CBLB: variants seen among roughly 807,000 people sequenced by gnomAD.
CBLB encodes the protein E3 ubiquitin-protein ligase CBL-B.
In CBLB, 31 loss-of-function variants were observed where a neutral mutation model predicts 104.9. The ratio of observed to expected loss-of-function variants is 0.30; its 90% CI spans 0.22 to 0.40. The LOEUF (loss-of-function observed/expected upper bound fraction) is 0.40, where lower values mean the gene tolerates loss of function less well. Ranked by LOEUF, CBLB falls within the 10% of genes least tolerant of loss-of-function variation. CBLB has a pLI of 1.00. For synonymous variants in CBLB, 440 were observed against 422.6 expected, an observed-to-expected ratio of 1.04 and a Z score of -0.51; for missense variants, 1,062 against 1,214.6, an observed-to-expected ratio of 0.87 and a Z score of 1.87.
intron 10 of CBLB, among the ~76,000 whole-genome samples, chr3:105,707,136 C>A (rs1170823765): frequency 2.6e-5 from 4 of 152,162 alleles, no homozygotes; most frequent in Non-Finnish European, 5.9e-5. Flanking sequence ...ATCCTCAGAA[C>A]AGACATCCAA....
chr3:105,676,200 A>G (rs1231947748), intron 17 of CBLB, among the ~76,000 whole-genome samples: 2 of 152,138 alleles, frequency 1.3e-5, no homozygotes, highest in Non-Finnish European at 2.9e-5. Context: ...GCAAATCTAT[A>G]AAATAAATAC....
At chr3:105,770,698 C>A (rs1307342402) in intron 4 of CBLB, among the ~76,000 whole-genome samples, 3 of 152,074 alleles carry the variant, frequency 2.0e-5, no homozygotes. Flanking sequence ...AGGGGCATGG[C>A]TTTTTGAAAG....
At chr3:105,785,358 T>A (rs114710412) in intron 3 of CBLB, among the ~76,000 whole-genome samples, 55 of 152,314 alleles carry the variant, frequency 3.6e-4, no homozygotes, top group African/African-American at 1.3e-3. Flanking sequence ...AACTCTGAAG[T>A]TTGACTTTCA....
At position 105,828,950 on chromosome 3, in the gene CBLB, G is replaced by C. The variant is rs2087000821; in HGVS notation, c.419+24464C>G. On this transcript the variant is annotated intron_variant, in intron 3 of 18. Transcript: ENST00000394030. Reference sequence around the variant, plus strand: ...ACATTTTAACCACAGTGGAACAGAAGCTTCTAGGGAACCTCTATACCACAT... The same window carrying C: ...ACATTTTAACCACAGTGGAACAGAACCTTCTAGGGAACCTCTATACCACAT... 2.0e-5 allele frequency among the ~76,000 whole-genome samples: 3 copies of C among 151,792 alleles called. No individual in the cohort carries two copies. In the South Asian group the frequency reaches 6.2e-4, roughly 31 times the overall value.
intron 3 of CBLB, among the ~76,000 whole-genome samples, chr3:105,798,557 C>T (rs2082491539): frequency 6.6e-6 from 1 of 152,146 alleles, no homozygotes; most frequent in African/African-American, 2.4e-5. Context: ...TCTGATCATA[C>T]AGACCACAAC....
intron 3 of CBLB, among the ~76,000 whole-genome samples, chr3:105,800,894 CAA>C (rs575573894): frequency 2.0e-5 from 3 of 152,012 alleles, no homozygotes; most frequent in African/African-American, 7.2e-5. Flanking sequence ...AACATGAAAA[CAA>C]ATTATGACAG....
chr3:105,693,413 G>A, intron 13 of CBLB, 81 bp downstream of exon 13: 1 of 789,466 alleles, frequency 1.3e-6, no homozygotes, highest in South Asian at 1.4e-5. Flanking sequence ...ATCATGTAGT[G>A]TCTGTACTGA....
rs373613210 is a variant in CBLB, at chr3:105,784,681, T to G, written c.420-8139A>C. On this transcript the variant is annotated intron_variant, in intron 3 of 18. Coordinates refer to ENST00000394030, the MANE Select transcript of CBLB (RefSeq NM_170662.5). The stretch of plus-strand genomic sequence containing the variant: ...GGCTCAAAAAGACATAATTGATCAG[T>G]TTTTTTTCCAAGTTCTACCCCAAAC... 1.2e-4 allele frequency among the ~76,000 whole-genome samples: 19 copies of G among 152,090 alleles called. No homozygotes were observed. In the East Asian group the frequency reaches 1.9e-3, roughly 15 times the overall value.
At chr3:105,663,559 G>A (rs1485483270) in intron 18 of CBLB, among the ~76,000 whole-genome samples, 1 of 152,106 alleles carries the variant, frequency 6.6e-6, no homozygotes, top group Non-Finnish European at 1.5e-5. Context: ...CTGCTTTTAT[G>A]AGAACAGTTT....
chr3:105,751,909 A>G (rs554980832), intron 4 of CBLB, among the ~76,000 whole-genome samples: 1 of 152,342 alleles, frequency 6.6e-6, no homozygotes, highest in South Asian at 2.1e-4. Context: ...ATTAGGTCAA[A>G]GTCTTATGTG....
At chr3:105,796,679 A>G (rs1379502782) in intron 3 of CBLB, among the ~76,000 whole-genome samples, 2 of 152,198 alleles carry the variant, frequency 1.3e-5, no homozygotes, top group Non-Finnish European at 2.9e-5. Context: ...ATATTTGCAA[A>G]CTACATATGT....
chr3:105,690,391 TG>T (rs1487218394), intron 13 of CBLB, among the ~76,000 whole-genome samples: 4 of 152,172 alleles, frequency 2.6e-5, no homozygotes, highest in African/African-American at 9.7e-5. Flanking sequence ...TTGTCAGGTT[TG>T]CCATCAGTAT....
At chr3:105,827,177 C>A (rs1218522011) in intron 3 of CBLB, among the ~76,000 whole-genome samples, 1 of 152,146 alleles carries the variant, frequency 6.6e-6, no homozygotes, top group African/African-American at 2.4e-5. Flanking sequence ...TGAAACATAA[C>A]TAAATAACTT....
At chr3:105,828,947 G>C (rs2086999946) in intron 3 of CBLB, among the ~76,000 whole-genome samples, 2 of 151,938 alleles carry the variant, frequency 1.3e-5, no homozygotes, top group African/African-American at 2.4e-5. Context: ...CAGTGGAACA[G>C]AAGCTTCTAG....
chr3:105,723,685 A>T (rs2073200149), intron 9 of CBLB, among the ~76,000 whole-genome samples: 1 of 152,108 alleles, frequency 6.6e-6, no homozygotes, highest in Non-Finnish European at 1.5e-5. Flanking sequence ...GAATATTGTT[A>T]GTACCATCTC....
At chr3:105,855,418 A>G (rs1254743737) in intron 2 of CBLB, among the ~76,000 whole-genome samples, 1 of 152,240 alleles carries the variant, frequency 6.6e-6, no homozygotes, top group Non-Finnish European at 1.5e-5. Flanking sequence ...GTCTTACCAC[A>G]GAAAGGTAAT....
chr3:105,778,179 G>C (rs896029275), intron 3 of CBLB, among the ~76,000 whole-genome samples: 3 of 151,774 alleles, frequency 2.0e-5, no homozygotes, highest in African/African-American at 7.3e-5. Flanking sequence ...AAGTGTGTTA[G>C]GACTCAATAA....
At chr3:105,665,660 ATAAC>A (rs1247065449) in intron 18 of CBLB, among the ~76,000 whole-genome samples, 2 of 148,058 alleles carry the variant, frequency 1.4e-5, no homozygotes, top group Admixed American at 6.8e-5. Flanking sequence ...ATTAAATAAA[ATAAC>A]ATGAATATTT....
At chr3:105,869,155 C>T, upstream of CBLB, 3 of 633,016 alleles carry the variant, frequency 4.7e-6, no homozygotes, top group Non-Finnish European at 7.1e-6. Context: ...GCCCGTCCTC[C>T]TCGCGCTGCC....
Sources: allele counts gnomAD v4.1 joint callset (sites outside exome capture counted in the v4.1 genomes callset), GRCh38; gene constraint gnomAD v4.1.1; transcripts MANE v1.5; gene names NCBI Gene and HGNC (gene_info 2026-07-23, HGNC 2026-07-21).